SPA17: variants seen among roughly 807,000 people sequenced by gnomAD.
The protein encoded by SPA17 is sperm surface protein Sp17.
Under a neutral mutation model 13.8 loss-of-function variants are expected in SPA17, and 7 were observed. That is an observed-to-expected ratio of 0.51 (90% CI 0.29 to 0.95). SPA17 has a LOEUF of 0.95. SPA17 is among the 40% of genes least tolerant of loss of function. SPA17 has a pLI of 0.08. For missense variants in SPA17, 170 were observed against 179.3 expected, an observed-to-expected ratio of 0.95 and a Z score of 0.30; for synonymous variants, 61 against 59.0, an observed-to-expected ratio of 1.03 and a Z score of -0.16.
intron 2 of SPA17, among the ~76,000 whole-genome samples, chr11:124,677,016 T>C (rs1241185872): frequency 6.6e-6 from 1 of 152,250 alleles, no homozygotes; most frequent in Non-Finnish European, 1.5e-5. Context: ...ATTTATTTAA[T>C]TTTAGAACTC....
At chr11:124,680,906 TAAAG>T (rs1349286479) in intron 2 of SPA17, among the ~76,000 whole-genome samples, 2 of 152,018 alleles carry the variant, frequency 1.3e-5, no homozygotes, top group Admixed American at 6.6e-5. Flanking sequence ...AATATAAAGT[TAAAG>T]AAAAAAATTG....
At position 124,696,383 on chromosome 11, in the gene SPA17, C is replaced by G. The variant is rs1325231294; in HGVS notation, c.*1937C>G. 2.6e-5 allele frequency: 4 copies of G among 151,608 alleles called. No individual in the cohort carries two copies. The highest frequency in any genetic ancestry group is 4.4e-5 in the Non-Finnish European group (3 of 67,940). The allele number at this position is 151,608 out of a possible 1,614,324, so 9.4% of individuals were successfully genotyped here. ...AGAAGAGGAAAAAAGGGATTTTTTC[C>G]CTAGTGAGTATATAGCAGGAAAAAA... is the stretch of plus-strand genomic sequence containing the variant. On this transcript the variant is annotated 3_prime_UTR_variant, in exon 5 of 5. Coordinates refer to ENST00000227135, the MANE Select transcript of SPA17 (RefSeq NM_017425.4).
chr11:124,675,336 A>G lies in SPA17; in HGVS notation c.72A>G (p.Thr24=), dbSNP rs1191960483. ...QGFGNLLEGL[T]REILREQPDN... Reference sequence around the variant, plus strand: ...TTGGGAATCTTCTTGAAGGGCTGACACGCGAGATTCTGAGAGAGCAACCGG... The same window carrying G: ...TTGGGAATCTTCTTGAAGGGCTGACGCGCGAGATTCTGAGAGAGCAACCGG... Residue 24 remains threonine, a synonymous_variant, in exon 2 of 5, where the codon ACA becomes ACG. Transcript: ENST00000227135. 6.2e-7 allele frequency: 1 copy of G among 1,614,238 alleles called. No individual in the cohort carries two copies. Among genetic ancestry groups the G allele is most frequent in the Non-Finnish European group, 8.5e-7 (1 of 1,180,038 alleles).
At position 124,691,686 on chromosome 11, in the gene SPA17, A is replaced by C; in HGVS notation, c.226-10A>C. 1 of 1,591,954 alleles carries C rather than the reference A, an allele frequency of 6.3e-7. No homozygotes were observed. On this transcript the variant is annotated splice_polypyrimidine_tract_variant and intron_variant, in intron 3 of 4. Coordinates refer to ENST00000227135, the MANE Select transcript of SPA17 (RefSeq NM_017425.4). The stretch of plus-strand genomic sequence containing the variant: ...ACATTGCTAATTGTGGCTCTCTCCT[A>C]TCTGTCCAGGAGCAAGAACCACCTG...
At chr11:124,693,947 A>G (rs1395649438) in intron 4 of SPA17, among the ~76,000 whole-genome samples, 1 of 152,198 alleles carries the variant, frequency 6.6e-6, no homozygotes, top group South Asian at 2.1e-4. Flanking sequence ...TAACATTTAC[A>G]GTTCTTTCTT....
intron 3 of SPA17, 39 bp downstream of exon 3, chr11:124,681,498 C>T: frequency 6.7e-7 from 1 of 1,499,518 alleles, no homozygotes; most frequent in Non-Finnish European, 9.0e-7. Context: ...GCTATTTCTT[C>T]TCTCTGTCTA....
chr11:124,693,701 C>T (rs185567628), intron 4 of SPA17, among the ~76,000 whole-genome samples: 141 of 152,132 alleles, frequency 9.3e-4, no homozygotes, highest in East Asian at 1.9e-3. Context: ...TTCAATTGTA[C>T]GCTGAAGATT....
At position 124,696,402 on chromosome 11, in the gene SPA17, GA is replaced by G. The variant is rs34955804; in HGVS notation, c.*1968del. 0.026 allele frequency: 3,607 copies of G among 140,650 alleles called. 141 individuals carry two copies. The highest frequency in any genetic ancestry group is 0.077 in the African/African-American group (2,969 of 38,620). The allele number at this position is 140,650 out of a possible 1,614,324, so 8.7% of individuals were successfully genotyped here. ...TTTTTCCCTAGTGAGTATATAGCAG[GA>G]AAAAAAAAAAAGATGAGTTAGCTTT... On this transcript the variant is annotated 3_prime_UTR_variant, in exon 5 of 5. Coordinates refer to ENST00000227135, the MANE Select transcript of SPA17 (RefSeq NM_017425.4).
chr11:124,691,818 C>A (rs1189685778), intron 4 of SPA17, 36 bp downstream of exon 4: 1 of 1,419,000 alleles, frequency 7.0e-7, no homozygotes, highest in Non-Finnish European at 9.8e-7. Flanking sequence ...TGGATTCCTA[C>A]AAAGAATGAT....
intron 3 of SPA17, among the ~76,000 whole-genome samples, chr11:124,682,570 C>A (rs1294404337): frequency 6.6e-6 from 1 of 151,716 alleles, no homozygotes; most frequent in African/African-American, 2.4e-5. Context: ...AACATAAATT[C>A]TGGAATTGAA....
intron 3 of SPA17, among the ~76,000 whole-genome samples, chr11:124,684,151 T>G (rs1383069166): frequency 6.6e-6 from 1 of 152,210 alleles, no homozygotes; most frequent in Non-Finnish European, 1.5e-5. Flanking sequence ...GATTGTAAGT[T>G]TTCTGAGGCC....
In SPA17 at chr11:124,696,611, G is replaced by C. The variant is rs1469470565; in HGVS notation, c.*2165G>C. On this transcript the variant is annotated 3_prime_UTR_variant, in exon 5 of 5. Transcript: ENST00000227135. ...AATGACACTTTATTAGAACTTATCT[G>C]GTTTTCCTCTTATCTCTCTGGCTGT... 1 of 152,058 alleles carries C rather than the reference G, an allele frequency of 6.6e-6. No homozygotes were observed. The highest frequency in any genetic ancestry group is 1.5e-5 in the Non-Finnish European group (1 of 68,034). 9.4% of individuals were successfully genotyped at this position (152,058 alleles called of 1,614,324 possible). A position where few individuals can be genotyped will look rare whatever the true frequency, so the allele number is the denominator to read the frequency against.
chr11:124,674,023 C>G (rs1943421455), intron 1 of SPA17, 71 bp downstream of exon 1: 4 of 369,724 alleles, frequency 1.1e-5, no homozygotes, highest in South Asian at 6.9e-5. Context: ...CTTATTCTCT[C>G]AGCATCCCAG....
chr11:124,686,449 A>G (rs1310266324), intron 3 of SPA17, among the ~76,000 whole-genome samples: 1 of 152,180 alleles, frequency 6.6e-6, no homozygotes, highest in African/African-American at 2.4e-5. Flanking sequence ...GACCTAACAA[A>G]CATTTACAGA....
chr11:124,687,691 A>G (rs1943589532), intron 3 of SPA17, among the ~76,000 whole-genome samples: 1 of 152,182 alleles, frequency 6.6e-6, no homozygotes, highest in South Asian at 2.1e-4. Context: ...ACAAAATGAA[A>G]GACAAAAACC....
At chr11:124,674,978 A>T (rs2134403243) in intron 1 of SPA17, 1 of 235,564 alleles carries the variant, frequency 4.2e-6, no homozygotes, top group Admixed American at 5.3e-5. Flanking sequence ...TAAAGAGAGA[A>T]AAAGTCATAT....
chr11:124,678,747 T>C (rs1409333308), intron 2 of SPA17, among the ~76,000 whole-genome samples: 2 of 152,076 alleles, frequency 1.3e-5, no homozygotes, highest in South Asian at 2.1e-4. Context: ...TTTTTTGTTT[T>C]GGCAGAGACA....
rs755171540 is a variant in SPA17 at position 124,694,635 on chromosome 11, T to C, written c.*189T>C. The C allele has an allele frequency of 1.5e-6, 1 of 672,402 alleles. No individual in the cohort carries two copies. Among genetic ancestry groups the C allele is most frequent in the Non-Finnish European group, 2.4e-6 (1 of 423,950 alleles). The allele number at this position is 672,402 out of a possible 1,614,324, so 41.7% of individuals were successfully genotyped here. ...GAAACATGCCACTTGAAGATTTCTC[T>C]GAGATCATGAGTTTGTTTACACTTG... On this transcript the variant is annotated 3_prime_UTR_variant, in exon 5 of 5. Coordinates refer to ENST00000227135, the MANE Select transcript of SPA17 (RefSeq NM_017425.4).
intron 4 of SPA17, 134 bp from the exon 5 acceptor site, chr11:124,694,169 T>C (rs1943651052): frequency 8.7e-7 from 1 of 1,148,542 alleles, no homozygotes; most frequent in African/African-American, 1.6e-5. Context: ...TGACAATATA[T>C]GAAATTCCCT....
Sources: gnomAD v4.1 joint callset for allele counts (sites outside exome capture counted in the v4.1 genomes callset) on GRCh38, gnomAD v4.1.1 for gene constraint, MANE v1.5 for transcripts, NCBI Gene and HGNC (gene_info 2026-07-23, HGNC 2026-07-21) for gene names.